Variants in CDH13 observed in about 807,000 individuals in gnomAD.
The protein encoded by CDH13 is cadherin-13.
CDH13 carries 24 observed loss-of-function variants against 63.8 expected under a neutral mutation model. That is an observed-to-expected ratio of 0.38 (90% confidence interval 0.27 to 0.53). The LOEUF (loss-of-function observed/expected upper bound fraction) is 0.53. CDH13 is among the 20% of genes least tolerant of loss of function. CDH13 has a pLI of 0.85. For missense variants in CDH13, 1,049 were observed against 903.1 expected, an observed-to-expected ratio of 1.16 and a Z score of -2.07; for synonymous variants, 503 against 355.3, an observed-to-expected ratio of 1.42 and a Z score of -4.67.
At position 82,768,441 on chromosome 16, in the gene CDH13, C is replaced by G. The variant is rs185600200; in HGVS notation, c.46-89921C>G. 2.5e-3 allele frequency among the ~76,000 whole-genome samples: 380 copies of G among 152,222 alleles called. 1 individual carries two copies. The highest frequency in any genetic ancestry group is 3.4e-3 in the Middle Eastern group (1 of 294). On this transcript the variant is annotated intron_variant, in intron 1 of 13. Transcript: ENST00000567109. Reference sequence around the variant, plus strand: ...TTTGTGTCTGTCAACCTGGCCTTCCCAAGGAAATGGAGGTTAGGCAATAAG... The same window carrying G: ...TTTGTGTCTGTCAACCTGGCCTTCCGAAGGAAATGGAGGTTAGGCAATAAG...
intron 1 of CDH13, among the ~76,000 whole-genome samples, chr16:82,671,279 G>C (rs892231869): frequency 1.3e-5 from 2 of 152,124 alleles, no homozygotes; most frequent in African/African-American, 4.8e-5. Context: ...TTATTTTTTG[G>C]TGTGGTCTTC....
rs113378483 is a variant in CDH13, at chr16:83,103,893, T to C, written c.367-21492T>C. Among the ~76,000 whole-genome samples, 1,002 of 152,228 alleles carry C rather than the reference T, an allele frequency of 6.6e-3. 16 individuals carry two copies. Among genetic ancestry groups the C allele is most frequent in the African/African-American group, 0.023 (958 of 41,546 alleles). On this transcript the variant is annotated intron_variant, in intron 3 of 13. Transcript: ENST00000567109. ...TCCTACTTGTAAAACAGTCAAAGAGTTCAGTGTGAAGTATTTGCAAAAAAT... is the reference window on the plus strand; with the variant it reads ...TCCTACTTGTAAAACAGTCAAAGAGCTCAGTGTGAAGTATTTGCAAAAAAT...
rs77553933 is a variant in CDH13, at chr16:83,490,436, G to A, written c.960+3781G>A. The stretch of plus-strand genomic sequence containing the variant: ...TGATCCTTACTATGTTGTCACTTTG[G>A]TTGTTATCCTTTCTTCTTCCCACCC... On this transcript the variant is annotated intron_variant, in intron 7 of 13. Coordinates refer to ENST00000567109, the MANE Select transcript of CDH13 (RefSeq NM_001257.5). Among the ~76,000 whole-genome samples the A allele has an allele frequency of 3.0e-3, 450 of 152,242 alleles. 1 individual carries two copies. The highest frequency in any genetic ancestry group is 0.011 in the African/African-American group (437 of 41,540).
At chr16:83,473,770 C>G (rs906897885) in intron 6 of CDH13, among the ~76,000 whole-genome samples, 60 of 152,096 alleles carry the variant, frequency 3.9e-4, no homozygotes, top group African/African-American at 1.4e-3. Flanking sequence ...GGAGAATAAA[C>G]CACACTTCCT....
At chr16:82,993,782 G>T (rs1223874130) in intron 2 of CDH13, among the ~76,000 whole-genome samples, 1 of 152,116 alleles carries the variant, frequency 6.6e-6, no homozygotes, top group African/African-American at 2.4e-5. Context: ...CATAGCATTG[G>T]CAGGATCTAA....
intron 2 of CDH13, among the ~76,000 whole-genome samples, chr16:82,983,925 C>A (rs1286007074): frequency 2.0e-5 from 3 of 152,148 alleles, no homozygotes; most frequent in Non-Finnish European, 4.4e-5. Context: ...GTAAAGAGGG[C>A]TTTTCCTGAA....
chr16:83,031,300 T>C (rs369779695), intron 2 of CDH13, among the ~76,000 whole-genome samples: 1 of 143,610 alleles, frequency 7.0e-6, no homozygotes, highest in Non-Finnish European at 1.6e-5. Flanking sequence ...TGCGCATGTA[T>C]CCATGCGCAT....
intron 7 of CDH13, among the ~76,000 whole-genome samples, chr16:83,557,029 C>T (rs1451387408): frequency 6.6e-6 from 1 of 152,172 alleles, no homozygotes; most frequent in Non-Finnish European, 1.5e-5. Context: ...AGTGGGTGAG[C>T]GAACGAAGCT....
chr16:83,768,017 T>C (rs1914516347), intron 11 of CDH13, among the ~76,000 whole-genome samples: 1 of 152,212 alleles, frequency 6.6e-6, no homozygotes, highest in African/African-American at 2.4e-5. Context: ...AAAAATATTT[T>C]TAATCCCTGC....
intron 5 of CDH13, among the ~76,000 whole-genome samples, chr16:83,334,442 G>A (rs1480316916): frequency 1.3e-5 from 2 of 149,016 alleles, no homozygotes; most frequent in Non-Finnish European, 3.0e-5. Context: ...CACAATCACA[G>A]CTCCCTGCAG....
chr16:82,975,896 A>T (rs1909435059), intron 2 of CDH13, among the ~76,000 whole-genome samples: 1 of 152,116 alleles, frequency 6.6e-6, no homozygotes, highest in Non-Finnish European at 1.5e-5. Context: ...AGTTGAATAC[A>T]ACTTATTTTA....
chr16:82,894,911 G>C (rs1417077699), intron 2 of CDH13, among the ~76,000 whole-genome samples: 1 of 152,146 alleles, frequency 6.6e-6, no homozygotes, highest in Non-Finnish European at 1.5e-5. Context: ...GGCCAGGCTA[G>C]GGAGTCGTGA....
intron 7 of CDH13, among the ~76,000 whole-genome samples, chr16:83,508,108 G>T (rs1598182216): frequency 2.2e-5 from 1 of 45,918 alleles, no homozygotes; most frequent in Admixed American, 2.3e-4. Flanking sequence ...AAGAAGGAAG[G>T]AAAAGGAAGG....
intron 6 of CDH13, among the ~76,000 whole-genome samples, chr16:83,466,365 A>G (rs2073315738): frequency 6.6e-6 from 1 of 152,198 alleles, no homozygotes; most frequent in Non-Finnish European, 1.5e-5. Flanking sequence ...GTCTAGCGGC[A>G]ATAAGCTGGA....
At chr16:83,516,504 G>T (rs2074701924) in intron 7 of CDH13, among the ~76,000 whole-genome samples, 1 of 152,206 alleles carries the variant, frequency 6.6e-6, no homozygotes. Flanking sequence ...AAAGCAATTT[G>T]TGGGAAACAA....
chr16:83,349,020 A>G (rs1029951585), intron 6 of CDH13, among the ~76,000 whole-genome samples: 7 of 152,202 alleles, frequency 4.6e-5, no homozygotes, highest in East Asian at 1.9e-4. Context: ...GCACCAATCT[A>G]TCACAAAGGA....
chr16:83,786,344 C>T (rs968481278), intron 13 of CDH13, among the ~76,000 whole-genome samples: 2 of 152,102 alleles, frequency 1.3e-5, no homozygotes, highest in African/African-American at 2.4e-5. Flanking sequence ...TGCTGCTGCA[C>T]GTCAGAACCA....
At chr16:83,159,417 CAATT>C (rs2037351301) in intron 4 of CDH13, among the ~76,000 whole-genome samples, 1 of 152,088 alleles carries the variant, frequency 6.6e-6, no homozygotes, top group Non-Finnish European at 1.5e-5. Context: ...ATTTTCTAAA[CAATT>C]AATGGGTATC....
At chr16:83,760,568 GC>G (rs1329154496) in intron 11 of CDH13, among the ~76,000 whole-genome samples, 7 of 152,218 alleles carry the variant, frequency 4.6e-5, no homozygotes, top group African/African-American at 1.7e-4. Flanking sequence ...ATAGTGTGCA[GC>G]AAAAGAAGGC....
Sources: allele counts gnomAD v4.1 joint callset (sites outside exome capture counted in the v4.1 genomes callset), GRCh38; gene constraint gnomAD v4.1.1; transcripts MANE v1.5; gene names NCBI Gene and HGNC (gene_info 2026-07-23, HGNC 2026-07-21).